VWA8: variants seen among roughly 807,000 people sequenced by gnomAD.
VWA8 encodes von Willebrand factor A domain-containing protein 8.
A neutral mutation model predicts 241.5 loss-of-function variants in VWA8; 221 were observed. That is an observed-to-expected ratio of 0.91 (90% CI 0.82 to 1.02). The LOEUF (loss-of-function observed/expected upper bound fraction) is 1.02. Among genes scored for constraint, VWA8 ranks in the 50% least tolerant of loss-of-function variants. VWA8 has a pLI of 0.00. For synonymous variants in VWA8, 852 were observed against 827.1 expected, an observed-to-expected ratio of 1.03 and a Z score of -0.52; for missense variants, 2,322 against 2,328.7, an observed-to-expected ratio of 1.00 and a Z score of 0.06.
intron 39 of VWA8, 140 bp downstream of exon 39, chr13:41,611,436 T>C (rs1399431433): frequency 4.4e-6 from 5 of 1,125,322 alleles, no homozygotes; most frequent in Non-Finnish European, 6.2e-6. Context: ...GGGACGGGGA[T>C]GGCTGTGGAT....
chr13:41,930,623 C>T (rs1023386884), intron 2 of VWA8, among the ~76,000 whole-genome samples: 16 of 152,036 alleles, frequency 1.1e-4, no homozygotes, highest in Non-Finnish European at 1.6e-4. Context: ...TGTGATAGGT[C>T]GCAGTCAAAA....
intron 37 of VWA8, among the ~76,000 whole-genome samples, chr13:41,639,054 C>G (rs111247471): frequency 1.3e-5 from 2 of 151,864 alleles, no homozygotes; most frequent in African/African-American, 4.8e-5. Flanking sequence ...CTTTGAGAAG[C>G]ACAAGACTGG....
chr13:41,906,167 A>G (rs1194838543), intron 4 of VWA8, among the ~76,000 whole-genome samples: 1 of 152,124 alleles, frequency 6.6e-6, no homozygotes, highest in Non-Finnish European at 1.5e-5. Flanking sequence ...AATAAGTAAC[A>G]CATGAGGCCA....
intron 7 of VWA8, 49 bp from the exon 8 acceptor site, chr13:41,886,077 T>A: frequency 7.9e-7 from 1 of 1,265,200 alleles, no homozygotes; most frequent in Non-Finnish European, 1.1e-6. Context: ...ATATAAAATG[T>A]GTAAGTTGTT....
chr13:41,614,662 A>C (rs915506595), intron 38 of VWA8, among the ~76,000 whole-genome samples: 2 of 152,144 alleles, frequency 1.3e-5, no homozygotes, highest in African/African-American at 4.8e-5. Context: ...GTGCTTAACA[A>C]TCGTAATCTC....
At chr13:41,596,599 C>T (rs1000324960) in intron 40 of VWA8, among the ~76,000 whole-genome samples, 2 of 151,946 alleles carry the variant, frequency 1.3e-5, no homozygotes, top group Non-Finnish European at 2.9e-5. Flanking sequence ...TACATAAATT[C>T]ACACTAATGA....
At chr13:41,856,353 A>G (rs948463741) in intron 12 of VWA8, among the ~76,000 whole-genome samples, 1 of 152,132 alleles carries the variant, frequency 6.6e-6, no homozygotes, top group Non-Finnish European at 1.5e-5. Flanking sequence ...ACAAAACAAA[A>G]CAAAACAAAA....
intron 21 of VWA8, among the ~76,000 whole-genome samples, chr13:41,747,219 C>A (rs1241455045): frequency 6.6e-6 from 1 of 152,134 alleles, no homozygotes; most frequent in Non-Finnish European, 1.5e-5. Context: ...ATTGATTCTT[C>A]CTATCCATGA....
At chr13:41,645,410 A>C (rs2139684146) in intron 37 of VWA8, among the ~76,000 whole-genome samples, 1 of 152,354 alleles carries the variant, frequency 6.6e-6, no homozygotes, top group African/African-American at 2.4e-5. Flanking sequence ...CAATTCTTAT[A>C]ATAACACTCA....
At chr13:41,930,731 C>T (rs1478674658) in intron 2 of VWA8, among the ~76,000 whole-genome samples, 1 of 152,146 alleles carries the variant, frequency 6.6e-6, no homozygotes, top group Non-Finnish European at 1.5e-5. Flanking sequence ...CACAACTGGA[C>T]TTCATGTTTA....
intron 12 of VWA8, 27 bp downstream of exon 12, chr13:41,865,709 A>C: frequency 6.2e-7 from 1 of 1,611,538 alleles, no homozygotes; most frequent in Non-Finnish European, 8.5e-7. Context: ...CTTATAGTCC[A>C]AGTGCAGCTA....
chr13:41,935,480 G>A (rs1462576624), intron 2 of VWA8, among the ~76,000 whole-genome samples: 6 of 152,028 alleles, frequency 3.9e-5, no homozygotes, highest in Non-Finnish European at 7.4e-5. Context: ...AGAAAAAGCG[G>A]TTAGAACTTA....
At chr13:41,832,734 C>T (rs1423799667) in intron 13 of VWA8, among the ~76,000 whole-genome samples, 1 of 152,008 alleles carries the variant, frequency 6.6e-6, no homozygotes, top group Non-Finnish European at 1.5e-5. Flanking sequence ...ATATTTTCTA[C>T]AAAAGTTACA....
intron 27 of VWA8, among the ~76,000 whole-genome samples, chr13:41,702,610 CT>C (rs2045257827): frequency 6.6e-6 from 1 of 152,198 alleles, no homozygotes; most frequent in Non-Finnish European, 1.5e-5. Flanking sequence ...AACACAGCCA[CT>C]TCCATTTGTT....
intron 12 of VWA8, among the ~76,000 whole-genome samples, chr13:41,849,384 C>A (rs1037428354): frequency 4.6e-5 from 7 of 152,114 alleles, no homozygotes; most frequent in Non-Finnish European, 7.4e-5. Context: ...TTATACCCTT[C>A]ATTATTTTCT....
intron 34 of VWA8, among the ~76,000 whole-genome samples, chr13:41,687,247 A>G (rs570670752): frequency 2.0e-5 from 3 of 152,274 alleles, no homozygotes; most frequent in African/African-American, 4.8e-5. Context: ...TGTCTAAGAC[A>G]CTATTACCAT....
chr13:41,728,497 G>A lies in VWA8; in HGVS notation c.2638+1045C>T, dbSNP rs555814698. Among the ~76,000 whole-genome samples the A allele has an allele frequency of 9.2e-5, 14 of 152,070 alleles. No individual in the cohort carries two copies. In the East Asian group the frequency reaches 2.7e-3, roughly 29 times the overall value. On this transcript the variant is annotated intron_variant, in intron 23 of 44. Coordinates refer to ENST00000379310, the MANE Select transcript of VWA8 (RefSeq NM_015058.2). ...AAAAACATATCAGAGAATGTAGAGG[G>A]TTGCCAGGAGATAATTATTTCTTAA...
At chr13:41,732,008 T>G in intron 22 of VWA8, 72 bp downstream of exon 22, 1 of 1,335,930 alleles carries the variant, frequency 7.5e-7, no homozygotes. Flanking sequence ...GAGAGTTCCA[T>G]CCTCCAAAAA....
intron 12 of VWA8, among the ~76,000 whole-genome samples, chr13:41,852,673 T>C (rs1343253793): frequency 6.6e-6 from 1 of 152,172 alleles, no homozygotes; most frequent in African/African-American, 2.4e-5. Context: ...TTGTTCTGCA[T>C]GTGGATATAC....
Sources: allele counts gnomAD v4.1 joint callset (sites outside exome capture counted in the v4.1 genomes callset), GRCh38; gene constraint gnomAD v4.1.1; transcripts MANE v1.5; gene names NCBI Gene and HGNC (gene_info 2026-07-23, HGNC 2026-07-21).